Variants in CFH observed in about 807,000 individuals in gnomAD.
CFH encodes H factor 1 (complement).
CFH carries 53 observed loss-of-function variants against 147.3 expected under a neutral mutation model. That is an observed-to-expected ratio of 0.36 (90% CI 0.29 to 0.45). The LOEUF is 0.45. CFH is among the 20% of genes least tolerant of loss of function. CFH has a pLI of 1.00. For missense variants in CFH, 1,380 were observed against 1,498.0 expected (o/e 0.92, Z 1.30); for synonymous variants, 536 against 489.4 (o/e 1.10, Z -1.26).
At chr1:196,739,766 A>G (rs1435072787) in intron 17 of CFH, among the ~76,000 whole-genome samples, 1 of 152,150 alleles carries the variant, frequency 6.6e-6, no homozygotes. Context: ...ATCCAGTTCC[A>G]AAGCTGCTTC....
chr1:196,715,881 A>AGAT lies in CFH; in HGVS notation c.1696+113_1696+115dup, dbSNP rs111783865. ...TGTTAAGGAATGTTGATTAAAATCA[A>AGAT]GATATCTCCTGATTTGACATAAACT... On this transcript the variant is annotated intron_variant, in intron 11 of 21. Coordinates refer to ENST00000367429, the MANE Select transcript of CFH (RefSeq NM_000186.4). 1.9e-3 allele frequency: 1,617 copies of AGAT among 856,390 alleles called. 17 individuals carry two copies. In the African/African-American group the frequency reaches 0.023, roughly 12 times the overall value. 53.0% of individuals were successfully genotyped at this position (856,390 alleles called of 1,614,324 possible).
intron 11 of CFH, among the ~76,000 whole-genome samples, chr1:196,724,865 C>T (rs559414878): frequency 9.1e-4 from 138 of 152,170 alleles, no homozygotes; most frequent in Non-Finnish European, 2.0e-3. Flanking sequence ...AAACTAGATT[C>T]ATTGTAAATA....
At chr1:196,743,334 T>A (rs1652876371) in intron 19 of CFH, 118 bp from the exon 20 acceptor site, 1 of 1,406,466 alleles carries the variant, frequency 7.1e-7, no homozygotes, top group Non-Finnish European at 9.8e-7. Flanking sequence ...CAACAAAATA[T>A]TTGATGAGAT....
intron 1 of CFH, among the ~76,000 whole-genome samples, chr1:196,661,767 A>G (rs901784374): frequency 9.2e-5 from 14 of 152,234 alleles, no homozygotes; most frequent in Non-Finnish European, 1.6e-4. Flanking sequence ...ATAATAATTT[A>G]TCACTCAGGA....
intron 1 of CFH, among the ~76,000 whole-genome samples, chr1:196,661,448 A>C (rs1666901449): frequency 6.6e-6 from 1 of 152,194 alleles, no homozygotes; most frequent in Non-Finnish European, 1.5e-5. Flanking sequence ...GAATGCTAGA[A>C]AGTCTAACAG....
intron 1 of CFH, among the ~76,000 whole-genome samples, chr1:196,661,725 T>G (rs1043950679): frequency 6.6e-6 from 1 of 152,208 alleles, no homozygotes; most frequent in Non-Finnish European, 1.5e-5. Context: ...ATTCAGAGCA[T>G]AGCATATGCC....
At chr1:196,660,202 A>G (rs1191636688) in intron 1 of CFH, among the ~76,000 whole-genome samples, 16 of 152,180 alleles carry the variant, frequency 1.1e-4, no homozygotes. Context: ...AAATTATTCT[A>G]AGAGGAGGAA....
chr1:196,743,850 C>T (rs1217219131), intron 20 of CFH, among the ~76,000 whole-genome samples: 2 of 152,002 alleles, frequency 1.3e-5, no homozygotes, highest in Non-Finnish European at 2.9e-5. Flanking sequence ...ACCTGAAAAA[C>T]AATACTTTTT....
intron 1 of CFH, among the ~76,000 whole-genome samples, chr1:196,659,192 C>T (rs917972460): frequency 2.0e-5 from 3 of 152,140 alleles, no homozygotes; most frequent in African/African-American, 4.8e-5. Context: ...CCAAAATAAC[C>T]GTTTGTTGTC....
At chr1:196,672,843 G>C in intron 1 of CFH, 135 bp from the exon 2 acceptor site, 1 of 607,568 alleles carries the variant, frequency 1.6e-6, no homozygotes. Context: ...TATGGGGTTA[G>C]GAGAGAGAGA....
chr1:196,727,240 G>A (rs1233274130), intron 14 of CFH, among the ~76,000 whole-genome samples: 3 of 152,118 alleles, frequency 2.0e-5, no homozygotes, highest in African/African-American at 4.8e-5. Context: ...GGTTGCTCAC[G>A]CCTATAACCT....
chr1:196,679,708 T>A lies in CFH; in HGVS notation c.705T>A (p.Tyr235Ter). Residue 235 changes from tyrosine (Y) to a stop codon, truncating the protein, a stop_gained, in exon 6 of 22, where the codon TAT becomes TAA. Transcript: ENST00000367429. LOFTEE classifies it high-confidence loss of function. ...IIYKENERFQ[Y>*]KCNMGYEYSE... The stretch of plus-strand genomic sequence containing the variant: ...ATAAGGAGAATGAACGATTTCAATA[T>A]AAATGTAACATGGGTTATGAATACA... 6.2e-7 allele frequency: 1 copy of A among 1,611,360 alleles called. No individual in the cohort carries two copies. Among genetic ancestry groups the A allele is most frequent in the Non-Finnish European group, 8.5e-7 (1 of 1,178,158 alleles).
chr1:196,702,880 A>G (rs906656443), intron 9 of CFH, among the ~76,000 whole-genome samples: 2 of 152,068 alleles, frequency 1.3e-5, no homozygotes, highest in Non-Finnish European at 2.9e-5. Flanking sequence ...GGTCAAGCAG[A>G]AGCCTAATGA....
chr1:196,685,654 G>T (rs1405215937), intron 7 of CFH, among the ~76,000 whole-genome samples: 1 of 152,060 alleles, frequency 6.6e-6, no homozygotes, highest in African/African-American at 2.4e-5. Context: ...GAATCAGACT[G>T]TCTTCTTGTG....
chr1:196,655,693 C>T (rs1365270552), intron 1 of CFH, among the ~76,000 whole-genome samples: 1 of 152,108 alleles, frequency 6.6e-6, no homozygotes, highest in Non-Finnish European at 1.5e-5. Context: ...CCCCCACCTG[C>T]CTAGGCCTTT....
intron 10 of CFH, among the ~76,000 whole-genome samples, chr1:196,714,664 TATATAGAGAGAGAGAGAGAGAGAG>T (rs1209716667): frequency 3.1e-5 from 1 of 31,792 alleles, no homozygotes; most frequent in Non-Finnish European, 5.8e-5. Context: ...TATATATATA[TATATAGAGAGAGAGAGAGAGAGAG>T]AGAGAGAGAG....
At chr1:196,739,530 A>C (rs407361) in intron 17 of CFH, among the ~76,000 whole-genome samples, 11,885 of 152,102 alleles carry the variant, frequency 0.078, 1,499 homozygotes, top group African/African-American at 0.27. Context: ...CTCCAGTTTC[A>C]AACAAGTTCC....
chr1:196,730,191 T>A (rs1669249925), intron 15 of CFH, among the ~76,000 whole-genome samples: 1 of 151,896 alleles, frequency 6.6e-6, no homozygotes, highest in Non-Finnish European at 1.5e-5. Context: ...TTATTTGAGT[T>A]CTTTCCACTT....
intron 9 of CFH, among the ~76,000 whole-genome samples, chr1:196,694,914 A>G (rs1441224487): frequency 6.6e-6 from 1 of 152,238 alleles, no homozygotes; most frequent in African/African-American, 2.4e-5. Flanking sequence ...GACCTCTGTC[A>G]GATGGATAGA....
Sources: gnomAD v4.1 joint callset for allele counts (sites outside exome capture counted in the v4.1 genomes callset) on GRCh38, gnomAD v4.1.1 for gene constraint, MANE v1.5 for transcripts, NCBI Gene and HGNC (gene_info 2026-07-23, HGNC 2026-07-21) for gene names.